The following CEP112 variants were observed in gnomAD, a reference collection of about 807,000 sequenced individuals.
The protein encoded by CEP112 is centrosomal protein of 112 kDa.
Under a neutral mutation model 153.0 loss-of-function variants are expected in CEP112, and 127 were observed. The observed-to-expected ratio is 0.83, with a 90% CI of 0.72 to 0.96. The LOEUF is 0.96. CEP112 is among the 40% of genes least tolerant of loss of function. The probability of loss-of-function intolerance (pLI) is 0.00; values close to 1 mark genes in which losing one functional copy is unlikely to be tolerated. For synonymous variants in CEP112, 358 were observed against 374.4 expected (o/e 0.96, Z 0.51); for missense variants, 1,089 against 1,101.2 (o/e 0.99, Z 0.16).
chr17:65,963,084 G>A (rs979110047), intron 17 of CEP112, among the ~76,000 whole-genome samples: 1 of 152,124 alleles, frequency 6.6e-6, no homozygotes, highest in Non-Finnish European at 1.5e-5. Flanking sequence ...AGTAACAACA[G>A]GTCAAGCCAG....
chr17:65,811,184 T>A (rs1252010647), intron 21 of CEP112, among the ~76,000 whole-genome samples: 1 of 152,014 alleles, frequency 6.6e-6, no homozygotes, highest in East Asian at 1.9e-4. Flanking sequence ...AGTACATGAG[T>A]GTTTGGTGTA....
At chr17:65,660,008 C>T (rs762833511) in intron 24 of CEP112, among the ~76,000 whole-genome samples, 5 of 152,070 alleles carry the variant, frequency 3.3e-5, no homozygotes, top group Non-Finnish European at 7.4e-5. Context: ...GGGACTGTCA[C>T]AGGGTAGAGT....
intron 21 of CEP112, among the ~76,000 whole-genome samples, chr17:65,840,162 T>C (rs2057464816): frequency 6.6e-6 from 1 of 151,972 alleles, no homozygotes; most frequent in African/African-American, 2.4e-5. Flanking sequence ...TAAAAAACAA[T>C]TCTAAAATTT....
At chr17:65,936,385 A>T (rs1351817716) in intron 18 of CEP112, among the ~76,000 whole-genome samples, 1 of 152,186 alleles carries the variant, frequency 6.6e-6, no homozygotes. Context: ...CTTCCCAAAA[A>T]ACTGAAGTAG....
At chr17:66,110,106 G>A (rs1336182284) in intron 6 of CEP112, among the ~76,000 whole-genome samples, 1 of 152,196 alleles carries the variant, frequency 6.6e-6, no homozygotes, top group Non-Finnish European at 1.5e-5. Context: ...CTTGCAGTGA[G>A]CCAAGATTGT....
chr17:66,032,234 C>A (rs1165406497), intron 12 of CEP112, among the ~76,000 whole-genome samples: 1 of 151,960 alleles, frequency 6.6e-6, no homozygotes, highest in African/African-American at 2.4e-5. Context: ...CTCCTGACCT[C>A]AAGTGATCTG....
intron 20 of CEP112, among the ~76,000 whole-genome samples, chr17:65,859,301 G>A (rs373881067): frequency 8.6e-5 from 13 of 151,900 alleles, no homozygotes; most frequent in African/African-American, 2.4e-4. Flanking sequence ...GTAGCTGGGC[G>A]GGGTGGCAGG....
chr17:65,640,154 A>ATATTTTTTT (rs1300751452), intron 25 of CEP112, among the ~76,000 whole-genome samples: 1 of 78,348 alleles, frequency 1.3e-5, no homozygotes, highest in Non-Finnish European at 2.1e-5. Flanking sequence ...ATATATATAT[A>ATATTTTTTT]TTTTTTTTTT....
chr17:65,728,901 T>C lies in CEP112; in HGVS notation c.2607+14167A>G, dbSNP rs552946879. ...AAGATACTCTACACTTAGGCTATGC[T>C]AAATTTATAAAACAACATTTTCTTT... On this transcript the variant is annotated intron_variant, in intron 23 of 26. Transcript: ENST00000535342. Among the ~76,000 whole-genome samples, 3 of 152,290 alleles carry C rather than the reference T, an allele frequency of 2.0e-5. No homozygotes were observed. In the South Asian group the frequency reaches 6.2e-4, roughly 32 times the overall value.
intron 21 of CEP112, among the ~76,000 whole-genome samples, chr17:65,763,183 C>T (rs1007480966): frequency 6.6e-6 from 1 of 152,020 alleles, no homozygotes; most frequent in African/African-American, 2.4e-5. Context: ...TCTCACCTCT[C>T]CTTTTTATAC....
At chr17:65,939,046 A>AGATG (rs2061434247) in intron 18 of CEP112, among the ~76,000 whole-genome samples, 1 of 152,168 alleles carries the variant, frequency 6.6e-6, no homozygotes, top group African/African-American at 2.4e-5. Flanking sequence ...TCCTGACCTC[A>AGATG]GATGATTCAC....
rs112684639 is a variant in CEP112, at chr17:65,689,285, G to A, written c.2608-67C>T. The A allele has an allele frequency of 1.5e-5, 17 of 1,156,050 alleles. 1 individual carries two copies. Among genetic ancestry groups the A allele is most frequent in the African/African-American group, 9.2e-5 (6 of 65,086 alleles). 71.6% of individuals were successfully genotyped at this position (1,156,050 alleles called of 1,614,324 possible). A position where few individuals can be genotyped will look rare whatever the true frequency, so the allele number is the denominator to read the frequency against. ...ACTTGGAAAAATAGTTCTACACCAT[G>A]AACTGGCACTAAAAAGGCCTCAGAT... is the stretch of plus-strand genomic sequence containing the variant. On this transcript the variant is annotated intron_variant, in intron 23 of 26. Transcript: ENST00000535342.
At chr17:66,119,832 T>C (rs1451547011) in intron 6 of CEP112, among the ~76,000 whole-genome samples, 1 of 152,204 alleles carries the variant, frequency 6.6e-6, no homozygotes, top group Non-Finnish European at 1.5e-5. Flanking sequence ...TTCCAAGTAA[T>C]ATTTTGCAGC....
At chr17:65,766,968 C>G (rs1450948448) in intron 21 of CEP112, among the ~76,000 whole-genome samples, 4 of 149,946 alleles carry the variant, frequency 2.7e-5, no homozygotes, top group Non-Finnish European at 5.9e-5. Context: ...CTTCAATATC[C>G]CCCATCAACA....
chr17:65,688,001 A>C (rs533716498), intron 24 of CEP112, among the ~76,000 whole-genome samples: 5 of 152,350 alleles, frequency 3.3e-5, no homozygotes, highest in Admixed American at 2.6e-4. Context: ...AAAGGGTTTC[A>C]TCAAGATTCA....
intron 17 of CEP112, among the ~76,000 whole-genome samples, chr17:66,002,161 A>C (rs1181336520): frequency 1.3e-5 from 2 of 152,084 alleles, no homozygotes; most frequent in African/African-American, 4.8e-5. Context: ...TGAAATATCA[A>C]CTTGAGCTCT....
chr17:65,927,204 G>A (rs1386753274), intron 19 of CEP112, among the ~76,000 whole-genome samples: 1 of 152,102 alleles, frequency 6.6e-6, no homozygotes, highest in Non-Finnish European at 1.5e-5. Context: ...CATGTAAGGT[G>A]CCTGCTTCTG....
intron 19 of CEP112, among the ~76,000 whole-genome samples, chr17:65,911,552 G>T (rs2065169844): frequency 6.6e-6 from 1 of 151,918 alleles, no homozygotes; most frequent in Non-Finnish European, 1.5e-5. Context: ...ATTTCCACTG[G>T]GCACAGTGGC....
intron 1 of CEP112, among the ~76,000 whole-genome samples, chr17:66,184,282 T>C (rs953477556): frequency 1.3e-5 from 2 of 151,780 alleles, no homozygotes; most frequent in African/African-American, 4.8e-5. Flanking sequence ...AAAGCTGACA[T>C]ATTGAACTTC....
Sources: gnomAD v4.1 joint callset for allele counts (sites outside exome capture counted in the v4.1 genomes callset) on GRCh38, gnomAD v4.1.1 for gene constraint, MANE v1.5 for transcripts, NCBI Gene and HGNC (gene_info 2026-07-23, HGNC 2026-07-21) for gene names.